Variants in SLC13A3 observed in about 807,000 individuals in gnomAD.
SLC13A3 encodes Na(+)/dicarboxylate cotransporter 3.
In SLC13A3, 40 loss-of-function variants were observed where a neutral mutation model predicts 59.0. That is an observed-to-expected ratio of 0.68 (90% CI 0.53 to 0.88). SLC13A3 has a LOEUF of 0.88. SLC13A3 is among the 40% of genes least tolerant of loss of function. The pLI is 0.00. For synonymous variants in SLC13A3, 317 were observed against 330.3 expected (o/e 0.96, Z 0.44); for missense variants, 699 against 783.2 (o/e 0.89, Z 1.28).
intron 1 of SLC13A3, among the ~76,000 whole-genome samples, chr20:46,615,263 T>C (rs1445886942): frequency 2.0e-5 from 3 of 152,210 alleles, no homozygotes; most frequent in Admixed American, 6.5e-5. Context: ...AGCCATCTTA[T>C]GGCTCTTACT....
chr20:46,653,251 T>C (rs1341488151), upstream of SLC13A3, among the ~76,000 whole-genome samples: 1 of 152,236 alleles, frequency 6.6e-6, no homozygotes, highest in Non-Finnish European at 1.5e-5. Flanking sequence ...CATTTCTAAT[T>C]TTGATGTAGT....
Position 46,632,913 on chromosome 20 carries a change from A to AGATAGACAGATAGC in SLC13A3, c.111+18397_111+18398insGCTATCTGTCTATC, listed in dbSNP as rs1369865976. Among the ~76,000 whole-genome samples, 26 of 56,850 alleles carry AGATAGACAGATAGC rather than the reference A, an allele frequency of 4.6e-4. No individual in the cohort carries two copies. In the South Asian group the frequency reaches 5.4e-3, roughly 12 times the overall value. 37.3% of individuals were successfully genotyped at this position (56,850 alleles called of 152,430 possible). ...GATAGATAGATAGATAGATAGATAT[A>AGATAGACAGATAGC]TCTATCTATCTATCTATCTATCTAT... On this transcript the variant is annotated intron_variant, in intron 1 of 12. Transcript: ENST00000279027.
chr20:46,566,172 A>G (rs2061978065), intron 11 of SLC13A3, 57 bp downstream of exon 11: 2 of 1,488,104 alleles, frequency 1.3e-6, no homozygotes, highest in African/African-American at 1.4e-5. Flanking sequence ...GCGGGGGAAG[A>G]TTTCTGAATG....
intron 11 of SLC13A3, among the ~76,000 whole-genome samples, chr20:46,565,087 T>A (rs2061968287): frequency 6.6e-6 from 1 of 152,250 alleles, no homozygotes. Context: ...CATGGTCTGG[T>A]CTTTAATCTG....
chr20:46,566,454 G>C (rs763151829), intron 10 of SLC13A3, 64 bp from the exon 11 acceptor site: 1 of 1,544,922 alleles, frequency 6.5e-7, no homozygotes, highest in South Asian at 1.2e-5. Context: ...CCCAGAGAGG[G>C]TTAGGATAGA....
intron 1 of SLC13A3, among the ~76,000 whole-genome samples, chr20:46,644,400 A>G (rs967864238): frequency 4.6e-5 from 7 of 152,194 alleles, no homozygotes; most frequent in Admixed American, 3.9e-4. Flanking sequence ...GACCATTTCA[A>G]CATAGTCCTT....
At chr20:46,644,596 G>A (rs1050065129) in intron 1 of SLC13A3, among the ~76,000 whole-genome samples, 2 of 152,242 alleles carry the variant, frequency 1.3e-5, no homozygotes, top group East Asian at 1.9e-4. Context: ...AGAAAGGACT[G>A]TGGACATTTC....
intron 1 of SLC13A3, among the ~76,000 whole-genome samples, chr20:46,643,981 T>G (rs1297794853): frequency 6.6e-6 from 1 of 152,082 alleles, no homozygotes; most frequent in Admixed American, 6.5e-5. Flanking sequence ...GAAGTTGTAG[T>G]GAGCCGGGAT....
chr20:46,640,282 C>A (rs933765534), intron 1 of SLC13A3, among the ~76,000 whole-genome samples: 4 of 152,108 alleles, frequency 2.6e-5, no homozygotes, highest in Non-Finnish European at 5.9e-5. Context: ...CCTCTCTCTG[C>A]GCAGAGGGCT....
At chr20:46,617,592 G>A (rs1047560003) in intron 1 of SLC13A3, among the ~76,000 whole-genome samples, 8 of 99,026 alleles carry the variant, frequency 8.1e-5, no homozygotes, top group Non-Finnish European at 1.6e-4. Flanking sequence ...AAAAACTTGT[G>A]TGTGTGTGTG....
chr20:46,615,918 G>A (rs190087686), intron 1 of SLC13A3, among the ~76,000 whole-genome samples: 1 of 152,224 alleles, frequency 6.6e-6, no homozygotes, highest in African/African-American at 2.4e-5. Context: ...AATTAAATAA[G>A]CTGCCACAGT....
At chr20:46,675,506 A>G (rs1331456902) in intron 1 of SLC13A3, among the ~76,000 whole-genome samples, 1 of 145,502 alleles carries the variant, frequency 6.9e-6, no homozygotes, top group African/African-American at 2.6e-5. Flanking sequence ...TCAGCCTCCC[A>G]AAGTGTTAGG....
At chr20:46,590,908 G>C (rs2059806587) in intron 6 of SLC13A3, among the ~76,000 whole-genome samples, 1 of 151,876 alleles carries the variant, frequency 6.6e-6, no homozygotes, top group African/African-American at 2.4e-5. Flanking sequence ...GCTCATGCCT[G>C]TAATCCCAGC....
chr20:46,576,841 G>T (rs1026609306), intron 9 of SLC13A3, among the ~76,000 whole-genome samples: 1 of 152,126 alleles, frequency 6.6e-6, no homozygotes, highest in Non-Finnish European at 1.5e-5. Flanking sequence ...TTACACAGTG[G>T]TCTACCTAAA....
chr20:46,664,510 T>C (rs1234680880), intron 1 of SLC13A3, among the ~76,000 whole-genome samples: 1 of 152,236 alleles, frequency 6.6e-6, no homozygotes, highest in Admixed American at 6.5e-5. Flanking sequence ...ATTTGCTATA[T>C]GGCAACCATA....
intron 1 of SLC13A3, among the ~76,000 whole-genome samples, chr20:46,632,375 G>A (rs16991655): frequency 0.048 from 7,265 of 152,084 alleles, 555 homozygotes; most frequent in African/African-American, 0.16. Flanking sequence ...CACTCCGAGC[G>A]TCAGTTCACT....
At chr20:46,646,653 T>C (rs565010978) in intron 1 of SLC13A3, among the ~76,000 whole-genome samples, 1 of 152,320 alleles carries the variant, frequency 6.6e-6, no homozygotes, top group Non-Finnish European at 1.5e-5. Flanking sequence ...AAAGCCCATG[T>C]TCTCTCCAAC....
intron 1 of SLC13A3, among the ~76,000 whole-genome samples, chr20:46,647,639 C>T (rs552244902): frequency 6.6e-6 from 1 of 152,340 alleles, no homozygotes; most frequent in African/African-American, 2.4e-5. Context: ...CTGCTGACAG[C>T]ATTTCTGAGC....
chr20:46,641,842 T>G (rs371514921), intron 1 of SLC13A3, among the ~76,000 whole-genome samples: 4 of 152,234 alleles, frequency 2.6e-5, no homozygotes, highest in South Asian at 4.2e-4. Context: ...CCTTCATATG[T>G]GAAACAACCA....
Sources: allele counts gnomAD v4.1 joint callset (sites outside exome capture counted in the v4.1 genomes callset), GRCh38; gene constraint gnomAD v4.1.1; transcripts MANE v1.5; gene names NCBI Gene and HGNC (gene_info 2026-07-23, HGNC 2026-07-21).